Variants in RTN2 observed in about 807,000 individuals in gnomAD.
RTN2 encodes the protein reticulon 2.
Under a neutral mutation model 63.7 loss-of-function variants are expected in RTN2, and 36 were observed. That is an observed-to-expected ratio of 0.56 (90% CI 0.43 to 0.75). The LOEUF (loss-of-function observed/expected upper bound fraction) is 0.75, where lower values mean the gene tolerates loss of function less well. RTN2 is among the 30% of genes least tolerant of loss of function. RTN2 has a pLI of 0.00. For missense variants in RTN2, 673 were observed against 705.1 expected (o/e 0.95, Z 0.52); for synonymous variants, 312 against 313.0 (o/e 1.00, Z 0.03).
At chr19:45,495,220 A>G in intron 1 of RTN2, 81 bp from the exon 2 acceptor site, 1 of 1,516,336 alleles carries the variant, frequency 6.6e-7, no homozygotes, top group South Asian at 1.1e-5. Context: ...GGAATCTTAG[A>G]ATATTTGAAT....
chr19:45,489,671 A>AT, intron 5 of RTN2, 118 bp from the exon 6 acceptor site: 1 of 456,854 alleles, frequency 2.2e-6, no homozygotes, highest in Non-Finnish European at 3.7e-6. Context: ...GCATAACCTG[A>AT]TTTCCTTTTT....
chr19:45,490,460 TA>T (rs1246536509), intron 5 of RTN2, among the ~76,000 whole-genome samples: 1 of 151,956 alleles, frequency 6.6e-6, no homozygotes, highest in Non-Finnish European at 1.5e-5. Flanking sequence ...CTCCAACAGA[TA>T]TTCTCACCTC....
Position 45,493,259 on chromosome 19 carries a change from G to A in RTN2, c.934C>T (p.Pro312Ser), listed in dbSNP as rs2122224100. Residue 312 changes from proline to serine, a missense_variant, in exon 5 of 11, where the codon CCC becomes TCC. Pro to Ser is a moderately conservative substitution (Grantham distance 74, BLOSUM62 -1). Transcript: ENST00000245923. Reference protein sequence around the residue: ...AIGWVQRGPTPPTPVLRVLLK... With the variant: ...AIGWVQRGPTSPTPVLRVLLK... ...AGAACCCGGAGGACAGGAGTAGGGGGGGTGGGGCCCCTTTGGACCCAGCCA... is the reference window on the plus strand; with the variant it reads ...AGAACCCGGAGGACAGGAGTAGGGGAGGTGGGGCCCCTTTGGACCCAGCCA... 3 of 1,613,526 alleles carry A rather than the reference G, an allele frequency of 1.9e-6. No homozygotes were observed. The highest frequency in any genetic ancestry group is 1.7e-6 in the Non-Finnish European group (2 of 1,179,840).
rs554176353 is a variant in RTN2 at position 45,486,617 on chromosome 19, T to C, written c.1498-504A>G. Among the ~76,000 whole-genome samples, 7 of 152,204 alleles carry C rather than the reference T, an allele frequency of 4.6e-5. No individual in the cohort carries two copies. The East Asian group carries it at 5.8e-4, about 13-fold the overall frequency. The stretch of plus-strand genomic sequence containing the variant: ...ACCTCAGCCTCCTGAGTTCAAGCGA[T>C]TCTCCTGCCTCAGCCTCCCGAATAG... On this transcript the variant is annotated intron_variant, in intron 9 of 10. Transcript: ENST00000245923.
At chr19:45,489,115 A>T in intron 6 of RTN2, 129 bp from the exon 7 acceptor site, 1 of 1,101,892 alleles carries the variant, frequency 9.1e-7, no homozygotes, top group East Asian at 2.6e-5. Context: ...GGCAGCTCAG[A>T]GGAATCATAT....
At chr19:45,489,024 GA>G (rs756902559) in intron 6 of RTN2, 38 bp from the exon 7 acceptor site, 2 of 1,600,286 alleles carry the variant, frequency 1.2e-6, no homozygotes, top group South Asian at 1.1e-5. Flanking sequence ...CTCAGTGGGT[GA>G]CCAGCTCAGA....
In RTN2 at chr19:45,494,389, G is replaced by C. The variant is rs772871676; in HGVS notation, c.591C>G (p.Pro197=). 6.2e-7 allele frequency: 1 copy of C among 1,613,752 alleles called. No individual in the cohort carries two copies. The highest frequency in any genetic ancestry group is 8.5e-7 in the Non-Finnish European group (1 of 1,179,684). The part of the protein sequence containing the change: ...ELDLRLRLAQ[P]SSPEVLTPQL... ...GGGGAGTCAAGACCTCGGGCGATGA[G>C]GGCTGAGCAAGTCGGAGTCGTAGGT... The change falls in exon 4 of 11, where the codon CCC becomes CCG. Residue 197 remains proline, a synonymous_variant. Transcript: ENST00000245923. The surrounding 1 kb of genome is among the most constrained non-coding windows in gnomAD (Gnocchi z 5.3).
chr19:45,489,802 C>T (rs1283819735), intron 5 of RTN2, among the ~76,000 whole-genome samples: 2 of 151,574 alleles, frequency 1.3e-5, no homozygotes, highest in East Asian at 3.9e-4. Flanking sequence ...CGTCAGCCTC[C>T]TCAGTAGCTG....
At chr19:45,493,083 A>G (rs556824444) in intron 5 of RTN2, 77 bp downstream of exon 5, 1 of 1,323,550 alleles carries the variant, frequency 7.6e-7, no homozygotes, top group Admixed American at 1.8e-5. Flanking sequence ...AATGCTCCGG[A>G]TGTGCAGGAG....
In RTN2 at chr19:45,494,537, TCTC is replaced by T; in HGVS notation, c.545_547del (p.Gly182del). 1 of 1,613,098 alleles carries T rather than the reference TCTC, an allele frequency of 6.2e-7. No individual in the cohort carries two copies. The highest frequency in any genetic ancestry group is 1.1e-5 in the South Asian group (1 of 91,060). On this transcript the variant is annotated inframe_deletion, in exon 3 of 11. Transcript: ENST00000245923. This position sits in a 1 kb window ranked among gnomAD's most constrained non-coding sequence, Gnocchi z 5.3. ...CTCGGACATCTCACCTTCCCCAGCTTCTCCTGTCTCCAATCTGTTGGGTTCTTG... is the reference window on the plus strand; with the variant it reads ...CTCGGACATCTCACCTTCCCCAGCTTCTGTCTCCAATCTGTTGGGTTCTTG...
chr19:45,489,256 G>T, intron 6 of RTN2, 90 bp downstream of exon 6: 2 of 1,217,730 alleles, frequency 1.6e-6, no homozygotes, highest in Non-Finnish European at 2.3e-6. Flanking sequence ...ATGAGTCGGG[G>T]TCCGGGTGGG....
intron 6 of RTN2, 166 bp downstream of exon 6, chr19:45,489,180 A>G: frequency 1.2e-6 from 1 of 861,552 alleles, no homozygotes; most frequent in South Asian, 1.7e-5. Flanking sequence ...GATGAAGGGT[A>G]CCAGGTTAGG....
intron 5 of RTN2, among the ~76,000 whole-genome samples, chr19:45,490,551 G>GTGTA (rs1968134324): frequency 6.6e-6 from 1 of 151,118 alleles, no homozygotes; most frequent in African/African-American, 2.4e-5. Context: ...GTGTGTGTGT[G>GTGTA]TGTGTGTGTG....
At chr19:45,496,685 C>T in intron 1 of RTN2, 107 bp downstream of exon 1, 1 of 699,394 alleles carries the variant, frequency 1.4e-6, no homozygotes, top group Non-Finnish European at 2.1e-6. Flanking sequence ...TCCTATGCCT[C>T]CTCCCCCCAT....
chr19:45,491,793 CCTGG>C (rs1968167120), intron 5 of RTN2, among the ~76,000 whole-genome samples: 1 of 151,916 alleles, frequency 6.6e-6, no homozygotes, highest in Non-Finnish European at 1.5e-5. Flanking sequence ...ACCTCCTAAA[CCTGG>C]CTAATTTTTA....
At chr19:45,496,729 A>T in intron 1 of RTN2, 63 bp downstream of exon 1, 1 of 1,177,158 alleles carries the variant, frequency 8.5e-7, no homozygotes, top group African/African-American at 1.6e-5. Flanking sequence ...CCGAGGGGAC[A>T]CCGGGGAGTA....
chr19:45,493,099 G>A (rs929040930), intron 5 of RTN2, 61 bp downstream of exon 5: 6 of 1,460,592 alleles, frequency 4.1e-6, no homozygotes, highest in South Asian at 3.4e-5. Context: ...AGGAGATAAG[G>A]GCGAGTTTGG....
rs1412971995 is a variant in RTN2 at position 45,485,766 on chromosome 19, G to T, written c.1580C>A (p.Thr527Asn). 1 of 1,613,874 alleles carries T rather than the reference G, an allele frequency of 6.2e-7. No individual in the cohort carries two copies. Reference protein sequence around the residue: ...KAKIRAKIPGTGALASAAAAV... With the variant: ...KAKIRAKIPGNGALASAAAAV... The stretch of plus-strand genomic sequence containing the variant: ...GGCTGCTGCAGAGGCCAGGGCTCCG[G>T]TCCCTGGGATTTTAGCTCGGATCCT... Residue 527 changes from threonine to asparagine, a missense_variant, in exon 11 of 11, where the codon ACC becomes AAC. Coordinates refer to ENST00000245923, the MANE Select transcript of RTN2 (RefSeq NM_005619.5).
At position 45,497,000 on chromosome 19, in the gene RTN2, T is replaced by G. The variant is rs1968287517; in HGVS notation, c.-175A>C. ...GCCGCCGCCGCCGCCGCCGCCCTGG[T>G]GCTCGGCTCGGCGGGGGCGGGCGGG... On this transcript the variant is annotated 5_prime_UTR_variant, in exon 1 of 11. Transcript: ENST00000245923. The G allele has an allele frequency of 7.6e-6, 2 of 263,938 alleles. No individual in the cohort carries two copies. The highest frequency in any genetic ancestry group is 1.5e-4 in the South Asian group (1 of 6,586). The allele number at this position is 263,938 out of a possible 1,614,324, so 16.3% of individuals were successfully genotyped here.
Sources: gnomAD v4.1 joint callset for allele counts (sites outside exome capture counted in the v4.1 genomes callset) on GRCh38, gnomAD v4.1.1 for gene constraint, Gnocchi (gnomAD v3.1) non-coding constraint, MANE v1.5 for transcripts, NCBI Gene and HGNC (gene_info 2026-07-23, HGNC 2026-07-21) for gene names.